The following SLC9A8 variants were observed in gnomAD, a reference collection of about 807,000 sequenced individuals.
SLC9A8 encodes sodium/hydrogen exchanger 8.
Under a neutral mutation model 66.6 loss-of-function variants are expected in SLC9A8, and 48 were observed. The observed-to-expected ratio is 0.72, with a 90% confidence interval of 0.57 to 0.92. The LOEUF (loss-of-function observed/expected upper bound fraction) is 0.92, where lower values mean the gene tolerates loss of function less well. Ranked by LOEUF, SLC9A8 falls within the 40% of genes least tolerant of loss-of-function variation. The pLI is 0.00. For synonymous variants in SLC9A8, 274 were observed against 282.6 expected, an observed-to-expected ratio of 0.97 and a Z score of 0.31; for missense variants, 599 against 747.3, an observed-to-expected ratio of 0.80 and a Z score of 2.31.
At chr20:49,860,426 C>T (rs2088683655) in intron 8 of SLC9A8, among the ~76,000 whole-genome samples, 1 of 151,984 alleles carries the variant, frequency 6.6e-6, no homozygotes, top group African/African-American at 2.4e-5. Context: ...AAAATGATAC[C>T]AATCCTGGGG....
chr20:49,824,268 G>A (rs2086842246), intron 3 of SLC9A8, among the ~76,000 whole-genome samples: 1 of 152,196 alleles, frequency 6.6e-6, no homozygotes, highest in South Asian at 2.1e-4. Flanking sequence ...TACTCAAAAA[G>A]TTCTTGTTCT....
rs541348054 is a variant in SLC9A8 at position 49,864,439 on chromosome 20, C to T, written c.853-300C>T. Among the ~76,000 whole-genome samples the T allele has an allele frequency of 2.4e-3, 370 of 152,288 alleles. 3 individuals carry two copies. The highest frequency in any genetic ancestry group is 8.4e-3 in the African/African-American group (350 of 41,538). ...AGCTTTGCGCCATGGCCCGGCACAT[C>T]CCCAGCCCTCTAAGTCAGCGTTTTT... On this transcript the variant is annotated intron_variant, in intron 9 of 15. Transcript: ENST00000361573.
chr20:49,835,832 C>T (rs2087513128), intron 3 of SLC9A8, among the ~76,000 whole-genome samples: 1 of 151,746 alleles, frequency 6.6e-6, no homozygotes, highest in East Asian at 1.9e-4. Flanking sequence ...ATTACAGGTG[C>T]CCGCCATCAC....
At chr20:49,868,554 G>A (rs903644869) in intron 10 of SLC9A8, among the ~76,000 whole-genome samples, 2 of 152,184 alleles carry the variant, frequency 1.3e-5, no homozygotes, top group African/African-American at 4.8e-5. Context: ...AGACCATGGA[G>A]CAGGACATTC....
At chr20:49,852,697 A>G (rs2088302489) in intron 7 of SLC9A8, among the ~76,000 whole-genome samples, 1 of 152,160 alleles carries the variant, frequency 6.6e-6, no homozygotes, top group South Asian at 2.1e-4. Flanking sequence ...AGGTGAAATA[A>G]CCGTCTTTCC....
intron 10 of SLC9A8, among the ~76,000 whole-genome samples, chr20:49,872,614 T>C (rs1403777630): frequency 6.6e-6 from 1 of 152,070 alleles, no homozygotes; most frequent in Non-Finnish European, 1.5e-5. Context: ...GCCTCCAGAG[T>C]AGCTGGGATT....
At position 49,888,500 on chromosome 20, in the gene SLC9A8, C is replaced by A. The variant is rs541699193; in HGVS notation, c.*564C>A. ...GCTCCCTCAGAGAGAAACGGAGTGA[C>A]CTTTTGTCCTTTACCTGATTGGCAC... On this transcript the variant is annotated 3_prime_UTR_variant, in exon 16 of 16. Transcript: ENST00000361573. The A allele has an allele frequency of 6.3e-6, 1 of 158,598 alleles. No homozygotes were observed. The highest frequency in any genetic ancestry group is 6.0e-5 in the Admixed American group (1 of 16,798). 9.8% of individuals were successfully genotyped at this position (158,598 alleles called of 1,614,324 possible).
intron 11 of SLC9A8, 132 bp downstream of exon 11, chr20:49,874,953 T>A (rs2089366732): frequency 1.5e-6 from 1 of 677,114 alleles, no homozygotes; most frequent in Non-Finnish European, 2.7e-6. Context: ...GATCCCTCAC[T>A]CCCTTATCTT....
At chr20:49,865,781 C>T (rs1326381855) in intron 10 of SLC9A8, among the ~76,000 whole-genome samples, 1 of 152,128 alleles carries the variant, frequency 6.6e-6, no homozygotes. Context: ...GAAAATGGAG[C>T]GTGACTCACC....
rs772134887 is a variant in SLC9A8 at position 49,883,997 on chromosome 20, G to A, written c.1422G>A (p.Met474Ile). The stretch of plus-strand genomic sequence containing the variant: ...GCACCATGCCCCTCATTCGCCTCAT[G>A]GACATCGAGGACGCCAAGGCACACC... ...GGSTMPLIRLMDIEDAKAHRR... is the reference protein window; with the variant it reads ...GGSTMPLIRLIDIEDAKAHRR... Residue 474 changes from methionine to isoleucine, a missense_variant, in exon 14 of 16, where the codon ATG becomes ATA. Around this residue, in one of 2 missense-constraint regions of SLC9A8, gnomAD observed 467 missense variants for 626.5 expected, o/e 0.75. Coordinates refer to ENST00000361573, the MANE Select transcript of SLC9A8 (RefSeq NM_015266.3). 12 of 1,613,614 alleles carry A rather than the reference G, an allele frequency of 7.4e-6. No individual in the cohort carries two copies. The highest frequency in any genetic ancestry group is 1.3e-5 in the African/African-American group (1 of 74,950).
chr20:49,877,300 A>T (rs994369439), intron 11 of SLC9A8, among the ~76,000 whole-genome samples: 6 of 151,978 alleles, frequency 3.9e-5, no homozygotes, highest in Non-Finnish European at 5.9e-5. Context: ...TCTCTAAAAA[A>T]ATATATATAC....
At chr20:49,843,132 T>C (rs554414413) in intron 4 of SLC9A8, among the ~76,000 whole-genome samples, 6 of 152,176 alleles carry the variant, frequency 3.9e-5, no homozygotes, top group African/African-American at 1.4e-4. Flanking sequence ...TGGCCATGAA[T>C]TGTGATTGGG....
At chr20:49,842,004 T>G (rs1354419261) in intron 4 of SLC9A8, among the ~76,000 whole-genome samples, 1 of 151,934 alleles carries the variant, frequency 6.6e-6, no homozygotes, top group Non-Finnish European at 1.5e-5. Flanking sequence ...CCTTCCAAAG[T>G]GTTAGGATTA....
intron 10 of SLC9A8, among the ~76,000 whole-genome samples, chr20:49,870,307 T>C (rs970821613): frequency 6.6e-6 from 1 of 152,088 alleles, no homozygotes; most frequent in Non-Finnish European, 1.5e-5. Context: ...GAAGAGAAAT[T>C]AAAGCCATGT....
chr20:49,834,428 A>AG (rs1437957161), intron 3 of SLC9A8, among the ~76,000 whole-genome samples: 4 of 41,450 alleles, frequency 9.7e-5, no homozygotes, highest in Admixed American at 2.3e-4. Context: ...CTGTATATAT[A>AG]TACTGTATAT....
chr20:49,874,769 A>G lies in SLC9A8; in HGVS notation c.1023A>G (p.Pro341=), dbSNP rs377157595. ...ACTACACGCACCATAACCTCTCCCC[A>G]GTCACCCAGATCCTCATGCAGCAGA... ...MSHYTHHNLS[P]VTQILMQQTL... The change falls in exon 11 of 16, where the codon CCA becomes CCG. Residue 341 remains proline (P), a synonymous_variant. Coordinates refer to ENST00000361573, the MANE Select transcript of SLC9A8 (RefSeq NM_015266.3). 3.7e-6 allele frequency: 6 copies of G among 1,613,966 alleles called. No individual in the cohort carries two copies. The highest frequency in any genetic ancestry group is 2.5e-6 in the Non-Finnish European group (3 of 1,179,890).
chr20:49,870,900 CTG>C (rs977600025), intron 10 of SLC9A8, among the ~76,000 whole-genome samples: 1 of 152,144 alleles, frequency 6.6e-6, no homozygotes, highest in African/African-American at 2.4e-5. Flanking sequence ...CAGTCTCACT[CTG>C]TTGTTCAGGC....
At chr20:49,823,320 C>T (rs918917087) in intron 3 of SLC9A8, among the ~76,000 whole-genome samples, 179 bp downstream of exon 3, 3 of 152,068 alleles carry the variant, frequency 2.0e-5, no homozygotes, top group Non-Finnish European at 4.4e-5. Context: ...CACTGGGGCT[C>T]AAGAAGGGTA....
chr20:49,833,205 G>A (rs949067880), intron 3 of SLC9A8, among the ~76,000 whole-genome samples: 18 of 152,274 alleles, frequency 1.2e-4, no homozygotes, highest in African/African-American at 3.6e-4. Flanking sequence ...TGCCTAGCGT[G>A]TCCTTCCCTT....
Sources: allele counts gnomAD v4.1 joint callset (sites outside exome capture counted in the v4.1 genomes callset), GRCh38; gene constraint gnomAD v4.1.1; regional missense constraint gnomAD v4.1.1; transcripts MANE v1.5; gene names NCBI Gene and HGNC (gene_info 2026-07-23, HGNC 2026-07-21).